The following SELENOI variants were observed in gnomAD, a reference collection of about 807,000 sequenced individuals.
The protein encoded by SELENOI is selenoprotein I.
A neutral mutation model predicts 50.7 loss-of-function variants in SELENOI; 24 were observed. The observed-to-expected ratio is 0.47, with a 90% CI of 0.34 to 0.67. SELENOI has a LOEUF of 0.67. SELENOI is among the 30% of genes least tolerant of loss of function. SELENOI has a pLI of 0.01. For synonymous variants in SELENOI, 155 were observed against 170.2 expected (o/e 0.91, Z 0.70); for missense variants, 352 against 461.4 (o/e 0.76, Z 2.17).
chr2:26,350,187 T>C (rs1475092666), intron 1 of SELENOI, among the ~76,000 whole-genome samples: 1 of 46,068 alleles, frequency 2.2e-5, no homozygotes, highest in African/African-American at 7.5e-5. Context: ...ATTAATTAAC[T>C]TGGCTCTCAA....
At chr2:26,367,628 T>C (rs1233515350) in intron 4 of SELENOI, among the ~76,000 whole-genome samples, 10 of 152,226 alleles carry the variant, frequency 6.6e-5, no homozygotes, top group Non-Finnish European at 1.0e-4. Context: ...TAAAAAATAT[T>C]TACCAACCTC....
At chr2:26,350,553 T>C (rs1466701230) in intron 1 of SELENOI, among the ~76,000 whole-genome samples, 1 of 152,172 alleles carries the variant, frequency 6.6e-6, no homozygotes, top group African/African-American at 2.4e-5. Flanking sequence ...TCAACAAGCA[T>C]TTATTGAGGG....
intron 9 of SELENOI, among the ~76,000 whole-genome samples, chr2:26,387,177 T>G (rs1191810850): frequency 2.6e-5 from 4 of 152,232 alleles, no homozygotes; most frequent in African/African-American, 9.7e-5. Context: ...CTTGATATTT[T>G]CTTCTAAAAT....
intron 9 of SELENOI, among the ~76,000 whole-genome samples, chr2:26,387,698 A>C (rs1162294328): frequency 4.8e-3 from 4 of 832 alleles, no homozygotes; most frequent in Non-Finnish European, 0.02. Flanking sequence ...CCTGTCTCAA[A>C]AAAAAAAAAA....
At chr2:26,363,740 G>C (rs1179512300) in intron 1 of SELENOI, among the ~76,000 whole-genome samples, 1 of 152,018 alleles carries the variant, frequency 6.6e-6, no homozygotes, top group Non-Finnish European at 1.5e-5. Flanking sequence ...ATAAAAATAG[G>C]TGTATTCTCC....
chr2:26,379,127 G>C (rs1023648187), intron 6 of SELENOI, among the ~76,000 whole-genome samples: 3 of 152,168 alleles, frequency 2.0e-5, no homozygotes, highest in African/African-American at 7.2e-5. Flanking sequence ...AGCCGGGTGT[G>C]GTGGCGTATG....
rs1200079780 is a variant in SELENOI, at chr2:26,386,342, A to T, written c.913-12A>T. 1 of 1,588,602 alleles carries T rather than the reference A, an allele frequency of 6.3e-7. No homozygotes were observed. The highest frequency in any genetic ancestry group is 1.4e-5 in the African/African-American group (1 of 73,114). On this transcript the variant is annotated splice_polypyrimidine_tract_variant and intron_variant, in intron 8 of 9. Coordinates refer to ENST00000260585, the MANE Select transcript of SELENOI (RefSeq NM_033505.4). ...CTTTTTTTCTCTCTTATTTTTTTAA[A>T]TTGACGTCCAGTGTCAGCTGATTGT...
intron 6 of SELENOI, among the ~76,000 whole-genome samples, chr2:26,376,348 A>AT (rs1677567685): frequency 6.6e-6 from 1 of 151,930 alleles, no homozygotes; most frequent in Admixed American, 6.6e-5. Context: ...CAAAAATGCT[A>AT]TTTTTCTTCT....
chr2:26,353,748 A>G (rs1677006867), intron 1 of SELENOI, among the ~76,000 whole-genome samples: 1 of 152,350 alleles, frequency 6.6e-6, no homozygotes, highest in South Asian at 2.1e-4. Flanking sequence ...GATGGCTACT[A>G]CATTTTTAGG....
intron 1 of SELENOI, among the ~76,000 whole-genome samples, chr2:26,350,131 A>AAT (rs1259843338): frequency 6.6e-6 from 1 of 151,720 alleles, no homozygotes; most frequent in Non-Finnish European, 1.5e-5. Flanking sequence ...TGTGTGTATA[A>AAT]ATATATATAT....
rs1678079126 is a variant in SELENOI, at chr2:26,395,801, G to C, written c.*6698G>C. 1 of 152,466 alleles carries C rather than the reference G, an allele frequency of 6.6e-6. No homozygotes were observed. The highest frequency in any genetic ancestry group is 1.5e-5 in the Non-Finnish European group (1 of 68,012). The allele number at this position is 152,466 out of a possible 1,614,324, so 9.4% of individuals were successfully genotyped here. ...TGTGAAACCCCAAAGTAATGCAGTA[G>C]GTTTTAATTGAAAATTGTTTAATTC... On this transcript the variant is annotated 3_prime_UTR_variant, in exon 10 of 10. Transcript: ENST00000260585.
chr2:26,370,410 G>T (rs1211002020), intron 4 of SELENOI, among the ~76,000 whole-genome samples: 1 of 151,728 alleles, frequency 6.6e-6, no homozygotes, highest in Admixed American at 6.6e-5. Flanking sequence ...GGGCAGAGGG[G>T]CTCCTCACTT....
intron 3 of SELENOI, among the ~76,000 whole-genome samples, chr2:26,366,174 A>G (rs1677283347): frequency 6.6e-6 from 1 of 152,192 alleles, no homozygotes; most frequent in Non-Finnish European, 1.5e-5. Context: ...ACTTTTAGCC[A>G]TAGCTTCTGT....
chr2:26,354,075 CAATAAT>C (rs1413149289), intron 1 of SELENOI, among the ~76,000 whole-genome samples: 1 of 152,116 alleles, frequency 6.6e-6, no homozygotes, highest in Non-Finnish European at 1.5e-5. Context: ...TACTGAATAA[CAATAAT>C]AATGATAGCA....
Position 26,364,879 on chromosome 2 carries a change from T to C in SELENOI, c.174T>C (p.Phe58=). Residue 58 remains phenylalanine (F), a synonymous_variant, in exon 3 of 10, where the codon TTT becomes TTC. Transcript: ENST00000260585. ...LAPNLITFSG[F]LLVVFNFLLM... is the part of the protein sequence containing the mutation. Reference sequence around the variant, plus strand: ...CCAATCTGATAACTTTTTCTGGCTTTCTGCTGGTCGTATTCAATTTTCTGC... The same window carrying C: ...CCAATCTGATAACTTTTTCTGGCTTCCTGCTGGTCGTATTCAATTTTCTGC... The C allele has an allele frequency of 6.2e-7, 1 of 1,611,002 alleles. No individual in the cohort carries two copies. Among genetic ancestry groups the C allele is most frequent in the Non-Finnish European group, 8.5e-7 (1 of 1,178,580 alleles).
At chr2:26,352,551 C>A (rs933973245) in intron 1 of SELENOI, among the ~76,000 whole-genome samples, 5 of 152,050 alleles carry the variant, frequency 3.3e-5, no homozygotes, top group Admixed American at 3.3e-4. Context: ...TTTGGGAGGC[C>A]GAGGCAGGTG....
intron 1 of SELENOI, among the ~76,000 whole-genome samples, chr2:26,348,242 T>G (rs940532578): frequency 6.6e-6 from 1 of 152,254 alleles, no homozygotes. Flanking sequence ...ATGCTTATTT[T>G]AAAAAGTCTT....
intron 4 of SELENOI, among the ~76,000 whole-genome samples, chr2:26,371,193 G>A (rs189959841): frequency 0.12 from 17,291 of 147,378 alleles, 2,406 homozygotes; most frequent in African/African-American, 0.34. Context: ...GGTGGCTGCC[G>A]GGCGGAGATG....
chr2:26,385,681 T>A (rs1677823808), intron 8 of SELENOI, among the ~76,000 whole-genome samples: 1 of 152,220 alleles, frequency 6.6e-6, no homozygotes, highest in Non-Finnish European at 1.5e-5. Context: ...AAGACTCTGA[T>A]AGTCCTGAAA....
Sources: allele counts gnomAD v4.1 joint callset (sites outside exome capture counted in the v4.1 genomes callset), GRCh38; gene constraint gnomAD v4.1.1; transcripts MANE v1.5; gene names NCBI Gene and HGNC (gene_info 2026-07-23, HGNC 2026-07-21).